The following CAMK2D variants were observed in gnomAD, a reference collection of about 807,000 sequenced individuals.
The protein encoded by CAMK2D is calcium/calmodulin-dependent protein kinase type II subunit delta.
A neutral mutation model predicts 84.0 loss-of-function variants in CAMK2D; 37 were observed. The ratio of observed to expected loss-of-function variants is 0.44; its 90% CI spans 0.34 to 0.58. The LOEUF is 0.58. CAMK2D is among the 20% of genes least tolerant of loss of function. The probability of loss-of-function intolerance (pLI) is 0.02; values close to 1 mark genes in which losing one functional copy is unlikely to be tolerated. For missense variants in CAMK2D, 448 were observed against 652.5 expected (o/e 0.69, Z 3.41); for synonymous variants, 202 against 212.5 (o/e 0.95, Z 0.43).
At chr4:113,651,793 G>A (rs2099173923) in intron 3 of CAMK2D, among the ~76,000 whole-genome samples, 1 of 152,170 alleles carries the variant, frequency 6.6e-6, no homozygotes, top group East Asian at 1.9e-4. Flanking sequence ...GTAAAAGACT[G>A]TCTTGTACAG....
At chr4:113,512,597 G>A (rs758848422) in intron 12 of CAMK2D, among the ~76,000 whole-genome samples, 4 of 151,982 alleles carry the variant, frequency 2.6e-5, no homozygotes, top group East Asian at 1.9e-4. Context: ...TTTTTGAGAC[G>A]GAGTCTCGCT....
At chr4:113,705,706 T>C (rs72895980) in intron 2 of CAMK2D, among the ~76,000 whole-genome samples, 1,802 of 152,356 alleles carry the variant, frequency 0.012, 37 homozygotes, top group African/African-American at 0.041. Context: ...GCTTTCTCCA[T>C]AGATCTCCTT....
chr4:113,499,123 G>C (rs1451402474), intron 16 of CAMK2D, among the ~76,000 whole-genome samples: 1 of 152,212 alleles, frequency 6.6e-6, no homozygotes, highest in South Asian at 2.1e-4. Context: ...TCCTGAATCA[G>C]TGGGAAAGCT....
intron 2 of CAMK2D, among the ~76,000 whole-genome samples, chr4:113,676,589 G>A (rs935387281): frequency 1.3e-5 from 2 of 152,070 alleles, no homozygotes; most frequent in African/African-American, 4.8e-5. Flanking sequence ...TACCATTCTG[G>A]CATAATGACT....
At chr4:113,466,057 GC>G (rs1204055992) in intron 16 of CAMK2D, among the ~76,000 whole-genome samples, 1 of 151,844 alleles carries the variant, frequency 6.6e-6, no homozygotes, top group Non-Finnish European at 1.5e-5. Context: ...TTCAAGACCA[GC>G]CTGACCCACA....
At chr4:113,671,219 G>A (rs897910797) in intron 2 of CAMK2D, among the ~76,000 whole-genome samples, 1 of 152,130 alleles carries the variant, frequency 6.6e-6, no homozygotes, top group African/African-American at 2.4e-5. Flanking sequence ...TAAAAATAGA[G>A]ATAAAAGAAT....
At chr4:113,645,091 A>G (rs962014583) in intron 3 of CAMK2D, among the ~76,000 whole-genome samples, 3 of 152,112 alleles carry the variant, frequency 2.0e-5, no homozygotes, top group African/African-American at 7.2e-5. Context: ...ATCTCGGCTC[A>G]CTACAAGCTC....
rs368814647 is a variant in CAMK2D, at chr4:113,508,316, G to C, written c.984+1322C>G. The C allele has an allele frequency of 2.9e-6, 4 of 1,358,922 alleles. No individual in the cohort carries two copies. The African/African-American group carries it at 5.7e-5, about 20-fold the overall frequency. The allele number at this position is 1,358,922 out of a possible 1,614,324, so 84.2% of individuals were successfully genotyped here. ...AAGGAAAAGAAAAAAAAATATGACC[G>C]GTTGAATTTAGAGTATCAAAGCATG... On this transcript the variant is annotated intron_variant, in intron 13 of 20. Coordinates refer to ENST00000511664, the MANE Select transcript of CAMK2D (RefSeq NM_001321571.2).
intron 8 of CAMK2D, among the ~76,000 whole-genome samples, chr4:113,525,998 AT>A (rs1228996506): frequency 6.6e-6 from 1 of 152,238 alleles, no homozygotes; most frequent in Non-Finnish European, 1.5e-5. Flanking sequence ...CACCTTACAA[AT>A]AAAGTGAATT....
intron 4 of CAMK2D, among the ~76,000 whole-genome samples, chr4:113,562,637 C>G (rs1445722422): frequency 6.6e-6 from 1 of 152,188 alleles, no homozygotes; most frequent in Non-Finnish European, 1.5e-5. Flanking sequence ...AAGATCTATA[C>G]AGCCTTACAT....
chr4:113,724,374 T>C (rs2148671005), intron 2 of CAMK2D, among the ~76,000 whole-genome samples: 1 of 152,090 alleles, frequency 6.6e-6, no homozygotes, highest in Admixed American at 6.5e-5. Flanking sequence ...ATGTATACTT[T>C]GCTTAATACA....
At chr4:113,510,630 A>G (rs2154161445) in intron 12 of CAMK2D, among the ~76,000 whole-genome samples, 1 of 152,214 alleles carries the variant, frequency 6.6e-6, no homozygotes, top group Non-Finnish European at 1.5e-5. Context: ...ATTCACAAAT[A>G]TGCAGGACAT....
At chr4:113,754,924 G>A in intron 2 of CAMK2D, 1 of 984,056 alleles carries the variant, frequency 1.0e-6, no homozygotes, top group African/African-American at 1.7e-5. Flanking sequence ...TTCTTAAAAT[G>A]TTGTTCTTGC....
intron 4 of CAMK2D, among the ~76,000 whole-genome samples, chr4:113,597,538 T>A (rs547973712): frequency 1.3e-5 from 2 of 152,242 alleles, no homozygotes; most frequent in African/African-American, 2.4e-5. Flanking sequence ...TGTTCTGGAT[T>A]AGGCTTTGGC....
chr4:113,698,338 C>T (rs1169902168), intron 2 of CAMK2D, among the ~76,000 whole-genome samples: 3 of 152,010 alleles, frequency 2.0e-5, no homozygotes, highest in Admixed American at 6.6e-5. Flanking sequence ...TGACTCTTTT[C>T]TCATACATTG....
rs139127343 is a variant in CAMK2D at position 113,636,745 on chromosome 4, C to T, written c.220+24968G>A. ...AAAACACTCACGCTATCAAGGAGGT[C>T]CCATCTTCATGATCTCCTCTAAATC... On this transcript the variant is annotated intron_variant, in intron 3 of 20. Coordinates refer to ENST00000511664, the MANE Select transcript of CAMK2D (RefSeq NM_001321571.2). 5.3e-4 allele frequency among the ~76,000 whole-genome samples: 80 copies of T among 152,224 alleles called. 1 individual carries two copies. The highest frequency in any genetic ancestry group is 3.4e-3 in the Middle Eastern group (1 of 294).
chr4:113,713,943 A>G (rs985150042), intron 2 of CAMK2D, among the ~76,000 whole-genome samples: 1 of 151,568 alleles, frequency 6.6e-6, no homozygotes, highest in Non-Finnish European at 1.5e-5. Context: ...AGTTCTATTA[A>G]TTTTTTACTG....
rs546085408 is a variant in CAMK2D at position 113,510,137 on chromosome 4, T to C, written c.947-462A>G. Among the ~76,000 whole-genome samples the C allele has an allele frequency of 2.6e-5, 4 of 152,334 alleles. No homozygotes were observed. The East Asian group carries it at 7.7e-4, about 29-fold the overall frequency. The stretch of plus-strand genomic sequence containing the variant: ...TTTCCAGAGGTTGAAAATTCATTTG[T>C]AAAATTTGCTCTGGCTAAATAACAT... On this transcript the variant is annotated intron_variant, in intron 12 of 20. Coordinates refer to ENST00000511664, the MANE Select transcript of CAMK2D (RefSeq NM_001321571.2).
chr4:113,702,865 T>C (rs1250484605), intron 2 of CAMK2D, among the ~76,000 whole-genome samples: 2 of 152,122 alleles, frequency 1.3e-5, no homozygotes, highest in Non-Finnish European at 2.9e-5. Context: ...TGCAACTGAA[T>C]ACCATCCTGG....
Sources: gnomAD v4.1 joint callset for allele counts (sites outside exome capture counted in the v4.1 genomes callset) on GRCh38, gnomAD v4.1.1 for gene constraint, MANE v1.5 for transcripts, NCBI Gene and HGNC (gene_info 2026-07-23, HGNC 2026-07-21) for gene names.